The following XYLT1 variants were observed in gnomAD, a reference collection of about 807,000 sequenced individuals.
XYLT1 encodes beta-D-xylosyltransferase 1.
Under a neutral mutation model 91.3 loss-of-function variants are expected in XYLT1, and 36 were observed. The observed-to-expected ratio is 0.39, with a 90% CI of 0.30 to 0.52. The LOEUF (loss-of-function observed/expected upper bound fraction) is 0.52, where lower values mean the gene tolerates loss of function less well. Among genes scored for constraint, XYLT1 ranks in the 20% least tolerant of loss-of-function variants. The probability of loss-of-function intolerance (pLI) is 0.68; values close to 1 mark genes in which losing one functional copy is unlikely to be tolerated. For missense variants in XYLT1, 1,242 were observed against 1,284.5 expected (o/e 0.97, Z 0.51); for synonymous variants, 588 against 532.0 (o/e 1.11, Z -1.45).
At chr16:17,347,016 G>T (rs770703359) in intron 2 of XYLT1, among the ~76,000 whole-genome samples, 1 of 152,170 alleles carries the variant, frequency 6.6e-6, no homozygotes, top group East Asian at 1.9e-4. Flanking sequence ...TCACATTGAG[G>T]GGGGAGCCGG....
intron 2 of XYLT1, 102 bp from the exon 3 acceptor site, chr16:17,259,600 C>T: frequency 7.1e-7 from 1 of 1,401,062 alleles, no homozygotes; most frequent in Non-Finnish European, 9.6e-7. Flanking sequence ...GAAGCCGGGG[C>T]CATAGTTTCA....
In XYLT1 at chr16:17,358,064, G is replaced by A. The variant is rs370844962; in HGVS notation, c.364-14C>T. Reference sequence around the variant, plus strand: ...TGGGTGTGGATCCTGTAGGATGAAAGGAGAAAATGCACGTGAGGAGTGAAA... The same window carrying A: ...TGGGTGTGGATCCTGTAGGATGAAAAGAGAAAATGCACGTGAGGAGTGAAA... On this transcript the variant is annotated splice_polypyrimidine_tract_variant and intron_variant, in intron 1 of 11. Coordinates refer to ENST00000261381, the MANE Select transcript of XYLT1 (RefSeq NM_022166.4). 1.9e-6 allele frequency: 3 copies of A among 1,612,624 alleles called. No homozygotes were observed. Among genetic ancestry groups the A allele is most frequent in the Non-Finnish European group, 2.5e-6 (3 of 1,179,284 alleles).
intron 6 of XYLT1, among the ~76,000 whole-genome samples, chr16:17,157,247 C>A (rs746111074): frequency 1.3e-5 from 2 of 152,182 alleles, no homozygotes; most frequent in African/African-American, 4.8e-5. Flanking sequence ...CGGCACCTGG[C>A]CAGATTACTT....
intron 4 of XYLT1, among the ~76,000 whole-genome samples, chr16:17,198,902 G>T (rs76905153): frequency 0.012 from 1,757 of 152,136 alleles, 35 homozygotes; most frequent in African/African-American, 0.04. Context: ...GCGCCACCAC[G>T]CCCAGCTAAG....
intron 3 of XYLT1, among the ~76,000 whole-genome samples, chr16:17,253,931 C>T (rs1264516324): frequency 6.6e-6 from 1 of 151,976 alleles, no homozygotes; most frequent in African/African-American, 2.4e-5. Flanking sequence ...TCTGCCTCCC[C>T]AAGAGGGACA....
chr16:17,448,774 G>A (rs902920788), intron 1 of XYLT1, among the ~76,000 whole-genome samples: 1 of 152,074 alleles, frequency 6.6e-6, no homozygotes, highest in African/African-American at 2.4e-5. Flanking sequence ...AGGAAGAGGA[G>A]GAGGAAGCAG....
intron 6 of XYLT1, among the ~76,000 whole-genome samples, chr16:17,147,220 T>G (rs1323456350): frequency 6.6e-6 from 1 of 152,140 alleles, no homozygotes; most frequent in African/African-American, 2.4e-5. Context: ...TTTAGGAAAA[T>G]AAAACCCTGC....
At chr16:17,225,713 A>G (rs2033051822) in intron 3 of XYLT1, among the ~76,000 whole-genome samples, 1 of 152,202 alleles carries the variant, frequency 6.6e-6, no homozygotes, top group Non-Finnish European at 1.5e-5. Context: ...AGTGTAAGCA[A>G]TTAACACCGG....
At chr16:17,244,466 A>G (rs1008427287) in intron 3 of XYLT1, among the ~76,000 whole-genome samples, 1 of 152,190 alleles carries the variant, frequency 6.6e-6, no homozygotes, top group East Asian at 1.9e-4. Flanking sequence ...TTGGTGACCA[A>G]TACAGGATAT....
At chr16:17,200,733 CT>C in intron 3 of XYLT1, 79 bp from the exon 4 acceptor site, 1 of 1,525,252 alleles carries the variant, frequency 6.6e-7, no homozygotes, top group East Asian at 2.3e-5. Context: ...TTCTCTGGTG[CT>C]TCTTTTGGGG....
intron 2 of XYLT1, among the ~76,000 whole-genome samples, chr16:17,347,082 C>T (rs536315740): frequency 5.9e-5 from 9 of 152,340 alleles, no homozygotes; most frequent in East Asian, 3.9e-4. Flanking sequence ...GAAGCAGCTA[C>T]GCGCTGGCCC....
intron 3 of XYLT1, among the ~76,000 whole-genome samples, chr16:17,226,669 G>A (rs924344585): frequency 7.2e-5 from 11 of 152,156 alleles, no homozygotes; most frequent in Admixed American, 1.3e-4. Flanking sequence ...GGTAGTGCCA[G>A]CTACTCAGGA....
rs2034568306 is a variant in XYLT1 at position 17,312,659 on chromosome 16, A to C, written c.402+45353T>G. 6.6e-6 allele frequency among the ~76,000 whole-genome samples: 1 copy of C among 152,070 alleles called. No individual in the cohort carries two copies. Among genetic ancestry groups the C allele is most frequent in the African/African-American group, 2.4e-5 (1 of 41,394 alleles). On this transcript the variant is annotated intron_variant, in intron 2 of 11. Transcript: ENST00000261381. The surrounding 1 kb of genome is among the most constrained non-coding windows in gnomAD (Gnocchi z 4.4). ...TTTTGTTTTCACCCATTTTCAACAT[A>C]CTCATGTGTGTATCCGTGATTCTAT...
chr16:17,202,279 G>T (rs1295288817), intron 3 of XYLT1, among the ~76,000 whole-genome samples: 1 of 152,208 alleles, frequency 6.6e-6, no homozygotes, highest in Non-Finnish European at 1.5e-5. Context: ...GTGGGGCTGG[G>T]GGATTAGGAC....
At chr16:17,190,160 G>A (rs1203756110) in intron 5 of XYLT1, among the ~76,000 whole-genome samples, 2 of 152,228 alleles carry the variant, frequency 1.3e-5, no homozygotes, top group East Asian at 3.8e-4. Flanking sequence ...ACTGCTTAAT[G>A]GGTACAGGGT....
chr16:17,276,981 C>T (rs888770589), intron 2 of XYLT1, among the ~76,000 whole-genome samples: 6 of 152,294 alleles, frequency 3.9e-5, no homozygotes, highest in South Asian at 2.1e-4. Context: ...TCATTTCATG[C>T]GAACTCCTAC....
intron 2 of XYLT1, among the ~76,000 whole-genome samples, chr16:17,332,193 G>T (rs1381001158): frequency 6.6e-6 from 1 of 152,200 alleles, no homozygotes; most frequent in Admixed American, 6.5e-5. Context: ...CTGTCCATCT[G>T]GTCTGTCCAG....
chr16:17,417,372 T>A (rs7404477), intron 1 of XYLT1, among the ~76,000 whole-genome samples: 1 of 152,082 alleles, frequency 6.6e-6, no homozygotes, highest in African/African-American at 2.4e-5. Flanking sequence ...TCAGCTCTAG[T>A]CTAGTCTGGA....
chr16:17,437,912 T>C (rs1232355202), intron 1 of XYLT1, among the ~76,000 whole-genome samples: 2 of 152,216 alleles, frequency 1.3e-5, no homozygotes, highest in East Asian at 3.9e-4. Context: ...TCAGCCTTTC[T>C]GGACGGGATC....
Sources: allele counts gnomAD v4.1 joint callset (sites outside exome capture counted in the v4.1 genomes callset), GRCh38; gene constraint gnomAD v4.1.1; non-coding constraint Gnocchi (gnomAD v3.1); transcripts MANE v1.5; gene names NCBI Gene and HGNC (gene_info 2026-07-23, HGNC 2026-07-21).